KHDRBS2: variants seen among roughly 807,000 people sequenced by gnomAD.
KHDRBS2 encodes KH RNA binding domain containing, signal transduction associated 2, also known as KH domain-containing, RNA-binding, signal transduction-associated protein 2.
A neutral mutation model predicts 44.3 loss-of-function variants in KHDRBS2; 26 were observed. The observed-to-expected ratio is 0.59, with a 90% CI of 0.43 to 0.81. KHDRBS2 has a LOEUF of 0.81. Among genes scored for constraint, KHDRBS2 ranks in the 40% least tolerant of loss-of-function variants. The probability of loss-of-function intolerance (pLI) is 0.00; values close to 1 mark genes in which losing one functional copy is unlikely to be tolerated. For synonymous variants in KHDRBS2, 194 were observed against 151.1 expected (o/e 1.28, Z -2.08); for missense variants, 476 against 433.1 (o/e 1.10, Z -0.88).
the KHDRBS2 span, among the ~76,000 whole-genome samples, chr6:61,617,186 A>T: frequency 1.3e-5 from 2 of 152,318 alleles, no homozygotes; most frequent in East Asian, 3.9e-4. Context: ...TTTTTACCTT[A>T]AATTTAGAAG....
chr6:61,754,485 C>A (rs1399774514), intron 6 of KHDRBS2, among the ~76,000 whole-genome samples: 2 of 150,432 alleles, frequency 1.3e-5, no homozygotes, highest in African/African-American at 4.9e-5. Flanking sequence ...CAAACCTGGA[C>A]AACAAATCTG....
At chr6:62,005,846 C>T (rs977707032) in intron 3 of KHDRBS2, among the ~76,000 whole-genome samples, 1 of 151,346 alleles carries the variant, frequency 6.6e-6, no homozygotes, top group African/African-American at 2.4e-5. Flanking sequence ...ATAGCAAAAC[C>T]AGTAAAATAT....
chr6:61,691,295 T>C (rs762094778), intron 8 of KHDRBS2, among the ~76,000 whole-genome samples: 11 of 152,124 alleles, frequency 7.2e-5, no homozygotes, highest in Non-Finnish European at 1.6e-4. Flanking sequence ...CATTGTTTCT[T>C]GCCTAGGCAA....
chr6:61,848,508 TATGTATATATGTA>T, intron 6 of KHDRBS2, among the ~76,000 whole-genome samples: 1 of 53,646 alleles, frequency 1.9e-5, no homozygotes, highest in East Asian at 4.4e-4. Flanking sequence ...TATATATATA[TATGTATATATGTA>T]TATATATATA....
chr6:61,980,589 T>C (rs781779392), intron 3 of KHDRBS2, among the ~76,000 whole-genome samples: 1 of 152,162 alleles, frequency 6.6e-6, no homozygotes, highest in Non-Finnish European at 1.5e-5. Context: ...GGATCAAAAT[T>C]GATGCCCATT....
chr6:62,012,038 G>C (rs1401373311), intron 3 of KHDRBS2, among the ~76,000 whole-genome samples: 1 of 152,090 alleles, frequency 6.6e-6, no homozygotes, highest in Non-Finnish European at 1.5e-5. Context: ...AATGTTTCTT[G>C]ATTTGAACCC....
At chr6:62,197,418 C>A (rs1825928292) in intron 1 of KHDRBS2, among the ~76,000 whole-genome samples, 3 of 152,080 alleles carry the variant, frequency 2.0e-5, no homozygotes, top group South Asian at 2.1e-4. Flanking sequence ...CAATACATCA[C>A]CAATCATCTA....
intron 1 of KHDRBS2, among the ~76,000 whole-genome samples, chr6:62,263,201 T>A (rs1838651070): frequency 6.6e-6 from 1 of 151,730 alleles, no homozygotes; most frequent in Non-Finnish European, 1.5e-5. Context: ...CATTCAGTGC[T>A]ATGAAATTTT....
the KHDRBS2 span, among the ~76,000 whole-genome samples, chr6:61,649,073 G>A: frequency 6.6e-6 from 1 of 152,084 alleles, no homozygotes; most frequent in Non-Finnish European, 1.5e-5. Context: ...GTTCTCACGT[G>A]GAGGAAGTCC....
At chr6:61,754,691 C>G (rs886243678) in intron 6 of KHDRBS2, among the ~76,000 whole-genome samples, 3 of 150,978 alleles carry the variant, frequency 2.0e-5, no homozygotes, top group African/African-American at 7.3e-5. Context: ...TGTGTGGAGG[C>G]TACTTACTTC....
At chr6:61,653,298 T>A in the KHDRBS2 span, among the ~76,000 whole-genome samples, 1 of 152,100 alleles carries the variant, frequency 6.6e-6, no homozygotes, top group Non-Finnish European at 1.5e-5. Flanking sequence ...TCAATGATAT[T>A]CAACAAAGAT....
chr6:61,872,196 C>T (rs1798759065), intron 6 of KHDRBS2, among the ~76,000 whole-genome samples: 1 of 151,958 alleles, frequency 6.6e-6, no homozygotes, highest in South Asian at 2.1e-4. Flanking sequence ...TTGAAAAACT[C>T]CTAAATAACA....
At chr6:62,071,681 T>C (rs2127345682) in intron 2 of KHDRBS2, among the ~76,000 whole-genome samples, 1 of 152,290 alleles carries the variant, frequency 6.6e-6, no homozygotes, top group East Asian at 1.9e-4. Flanking sequence ...GAGAGCTCTG[T>C]TCTGTTCCAT....
At chr6:61,888,413 C>A (rs1470874128) in intron 6 of KHDRBS2, among the ~76,000 whole-genome samples, 1 of 151,980 alleles carries the variant, frequency 6.6e-6, no homozygotes, top group Non-Finnish European at 1.5e-5. Context: ...ACATGGCAGC[C>A]CTGGGTGGAG....
intron 7 of KHDRBS2, among the ~76,000 whole-genome samples, chr6:61,731,781 C>A (rs1292203306): frequency 2.6e-5 from 4 of 151,972 alleles, no homozygotes; most frequent in African/African-American, 7.2e-5. Context: ...AAATTTGTAA[C>A]ACTTTTAAGA....
intron 4 of KHDRBS2, among the ~76,000 whole-genome samples, chr6:61,929,794 G>C (rs1432485277): frequency 1.3e-5 from 2 of 152,026 alleles, no homozygotes; most frequent in Admixed American, 1.3e-4. Context: ...ATTTCCTACA[G>C]ATATATATTA....
At chr6:62,222,937 T>C (rs1831140796) in intron 1 of KHDRBS2, among the ~76,000 whole-genome samples, 1 of 152,146 alleles carries the variant, frequency 6.6e-6, no homozygotes, top group Admixed American at 6.5e-5. Context: ...GCATTGAGTG[T>C]CTGTGGCTTT....
chr6:61,757,533 A>G (rs1778671462), intron 6 of KHDRBS2, among the ~76,000 whole-genome samples: 1 of 152,114 alleles, frequency 6.6e-6, no homozygotes, highest in African/African-American at 2.4e-5. Flanking sequence ...CAAAGTGACA[A>G]TCTATGGGTT....
intron 4 of KHDRBS2, among the ~76,000 whole-genome samples, chr6:61,937,570 A>C (rs1811266771): frequency 6.6e-6 from 1 of 151,990 alleles, no homozygotes; most frequent in Non-Finnish European, 1.5e-5. Flanking sequence ...CTTCTACTAT[A>C]TGAGTATCGG....
Sources: gnomAD v4.1 joint callset for allele counts (sites outside exome capture counted in the v4.1 genomes callset) on GRCh38, gnomAD v4.1.1 for gene constraint, MANE v1.5 for transcripts, NCBI Gene and HGNC (gene_info 2026-07-23, HGNC 2026-07-21) for gene names.